The following PRMT8 variants were observed in gnomAD, a reference collection of about 807,000 sequenced individuals.
PRMT8 encodes protein arginine N-methyltransferase 8.
A neutral mutation model predicts 47.1 loss-of-function variants in PRMT8; 7 were observed. That is an observed-to-expected ratio of 0.15 (90% CI 0.08 to 0.28). The LOEUF is 0.28. PRMT8 is among the 10% of genes least tolerant of loss of function. PRMT8 has a pLI of 1.00. For synonymous variants in PRMT8, 188 were observed against 186.5 expected (o/e 1.01, Z -0.07); for missense variants, 237 against 505.4 (o/e 0.47, Z 5.09).
chr12:3,413,763 A>G (rs10774144), intron 1 of PRMT8, among the ~76,000 whole-genome samples: 59,938 of 151,230 alleles, frequency 0.4, 14,465 homozygotes, highest in East Asian at 0.85. Context: ...TATTCGGGGG[A>G]AAAAAAACCA....
chr12:3,431,919 G>A (rs899564523), intron 1 of PRMT8, among the ~76,000 whole-genome samples: 1 of 152,256 alleles, frequency 6.6e-6, no homozygotes, highest in Non-Finnish European at 1.5e-5. Flanking sequence ...GCAGCAAGGA[G>A]GGGTAGAGAA....
intron 1 of PRMT8, among the ~76,000 whole-genome samples, chr12:3,523,553 C>G (rs1379871313): frequency 2.0e-5 from 3 of 152,206 alleles, no homozygotes; most frequent in Admixed American, 6.5e-5. Flanking sequence ...TAACTTAAGG[C>G]AAATTTAAAA....
chr12:3,555,653 G>A (rs1866513997), intron 4 of PRMT8, among the ~76,000 whole-genome samples: 1 of 152,224 alleles, frequency 6.6e-6, no homozygotes, highest in African/African-American at 2.4e-5. Context: ...AAGCAAGAAG[G>A]GTGTGAGCAG....
intron 7 of PRMT8, among the ~76,000 whole-genome samples, chr12:3,581,071 A>G (rs956131659): frequency 2.6e-5 from 4 of 152,308 alleles, no homozygotes; most frequent in African/African-American, 9.6e-5. Flanking sequence ...GGCCGACCTA[A>G]ATGCAAGCTG....
At chr12:3,435,211 C>T (rs141135757) in intron 1 of PRMT8, among the ~76,000 whole-genome samples, 2,750 of 152,022 alleles carry the variant, frequency 0.018, 45 homozygotes, top group Middle Eastern at 0.034. Flanking sequence ...TCAGGTGATC[C>T]GCCCACCTCT....
intron 1 of PRMT8, among the ~76,000 whole-genome samples, chr12:3,449,313 C>T (rs1470507081): frequency 7.2e-5 from 11 of 152,206 alleles, no homozygotes; most frequent in Non-Finnish European, 1.5e-5. Flanking sequence ...AATTGCCATA[C>T]TGTCTTCCAC....
rs532873746 is a variant in PRMT8, at chr12:3,535,763, G to A, written c.76-4843G>A. Among the ~76,000 whole-genome samples the A allele has an allele frequency of 6.6e-6, 1 of 152,294 alleles. No individual in the cohort carries two copies. Among genetic ancestry groups the A allele is most frequent in the African/African-American group, 2.4e-5 (1 of 41,560 alleles). On this transcript the variant is annotated intron_variant, in intron 1 of 9. Coordinates refer to ENST00000382622, the MANE Select transcript of PRMT8 (RefSeq NM_019854.5). This position sits in a 1 kb window ranked among gnomAD's most constrained non-coding sequence, Gnocchi z 4.7. Reference sequence around the variant, plus strand: ...CAGGGAGCAAATTGGAGGTGAGAAAGCTGCAGCCATGAGCAGACCAAGACG... The same window carrying A: ...CAGGGAGCAAATTGGAGGTGAGAAAACTGCAGCCATGAGCAGACCAAGACG...
At chr12:3,524,230 G>T (rs559032672) in intron 1 of PRMT8, among the ~76,000 whole-genome samples, 10 of 151,978 alleles carry the variant, frequency 6.6e-5, no homozygotes, top group African/African-American at 2.2e-4. Flanking sequence ...ATTTAAAAAC[G>T]AAAGAATACA....
At position 3,568,723 on chromosome 12, in the gene PRMT8, G is replaced by T. The variant is rs1275728854; in HGVS notation, c.499G>T (p.Gly167Cys). The change falls in exon 5 of 10, where the codon GGT becomes TGT. Residue 167 changes from glycine (G) to cysteine (C), a missense_variant. By Grantham distance (159) the Gly-to-Cys change is radical (BLOSUM62 -3). Around this residue, in one of 5 missense-constraint regions of PRMT8, gnomAD observed 151 missense variants for 341.1 expected, o/e 0.44. Transcript: ENST00000382622. ...HLDNIITIFK[G>C]KVEEVELPVE... is the part of the protein sequence containing the mutation. ...TTTTCCAGTCATCACCATATTTAAG[G>T]GTAAAGTGGAAGAGGTGGAGCTGCC... is the stretch of plus-strand genomic sequence containing the variant. 6.2e-7 allele frequency: 1 copy of T among 1,614,138 alleles called. No individual in the cohort carries two copies.
At chr12:3,455,648 C>T (rs1227563244) in intron 1 of PRMT8, among the ~76,000 whole-genome samples, 1 of 152,182 alleles carries the variant, frequency 6.6e-6, no homozygotes, top group Non-Finnish European at 1.5e-5. Context: ...GGCCAAGGAC[C>T]TTCACCTCCG....
chr12:3,402,110 A>C (rs1864323534), intron 1 of PRMT8, among the ~76,000 whole-genome samples: 1 of 149,394 alleles, frequency 6.7e-6, no homozygotes, highest in African/African-American at 2.5e-5. Context: ...TTAAAACAGC[A>C]TGATACTAGT....
In PRMT8 at chr12:3,592,224, C is replaced by T. The variant is rs3741935; in HGVS notation, c.980-7C>T. 211,569 of 1,553,092 alleles carry T rather than the reference C, an allele frequency of 0.14. 15,829 individuals carry two copies. Among genetic ancestry groups the T allele is most frequent in the Middle Eastern group, 0.25 (1,501 of 5,906 alleles). On this transcript the variant is annotated splice_region_variant and splice_polypyrimidine_tract_variant and intron_variant, in intron 8 of 9. Transcript: ENST00000382622. ...CTTCCCACCTCCCCTGTTCTCTCAC[C>T]CCTCAGCCCCTGATGCTCCCTACAC...
At chr12:3,386,595 G>A (rs1001887192) in intron 1 of PRMT8, among the ~76,000 whole-genome samples, 6 of 151,974 alleles carry the variant, frequency 3.9e-5, no homozygotes, top group African/African-American at 1.5e-4. Context: ...CATCCACTTA[G>A]CTATTCGTTC....
At chr12:3,443,960 C>T (rs569608087) in intron 1 of PRMT8, among the ~76,000 whole-genome samples, 124 of 152,228 alleles carry the variant, frequency 8.1e-4, no homozygotes, top group Non-Finnish European at 1.6e-3. Flanking sequence ...CGTCTAAGTT[C>T]GGCCTAAACA....
At chr12:3,551,214 G>C (rs992629902) in intron 3 of PRMT8, 8 of 152,200 alleles carry the variant, frequency 5.3e-5, no homozygotes, top group African/African-American at 1.9e-4. Context: ...AAAACCCTTG[G>C]GCCATGGCTG....
rs193272444 is a variant in PRMT8 at position 3,435,622 on chromosome 12, T to C, written c.48+54180T>C. 4.5e-3 allele frequency among the ~76,000 whole-genome samples: 683 copies of C among 150,684 alleles called. 2 individuals are homozygous for C. Among genetic ancestry groups the C allele is most frequent in the Non-Finnish European group, 6.5e-3 (438 of 67,566 alleles). On this transcript the variant is annotated intron_variant, in intron 1 of 9. Transcript: ENST00000452611. Reference sequence around the variant, plus strand: ...CTGCAAGCTCCGCCTCCCGGGTTCATGCCATTCTCCTGCCTCAGCCTCCTG... The same window carrying C: ...CTGCAAGCTCCGCCTCCCGGGTTCACGCCATTCTCCTGCCTCAGCCTCCTG...
chr12:3,415,353 G>C (rs1864473396), intron 1 of PRMT8, among the ~76,000 whole-genome samples: 1 of 152,118 alleles, frequency 6.6e-6, no homozygotes, highest in Admixed American at 6.5e-5. Flanking sequence ...CAATACATAG[G>C]CATGATTAAC....
At chr12:3,546,734 A>G (rs1333124952) in intron 2 of PRMT8, among the ~76,000 whole-genome samples, 1 of 152,200 alleles carries the variant, frequency 6.6e-6, no homozygotes, top group African/African-American at 2.4e-5. Context: ...GTGAATTATA[A>G]TAAACATTTA....
At chr12:3,587,773 G>A (rs1268399297) in intron 8 of PRMT8, among the ~76,000 whole-genome samples, 6 of 152,184 alleles carry the variant, frequency 3.9e-5, no homozygotes, top group African/African-American at 1.4e-4. Context: ...ACCCCCAACT[G>A]AGTCTTCTGT....
Sources: gnomAD v4.1 joint callset for allele counts (sites outside exome capture counted in the v4.1 genomes callset) on GRCh38, gnomAD v4.1.1 for gene constraint, gnomAD v4.1.1 regional missense constraint, Gnocchi (gnomAD v3.1) non-coding constraint, MANE v1.5 for transcripts, NCBI Gene and HGNC (gene_info 2026-07-23, HGNC 2026-07-21) for gene names.